The following ANO7 variants were observed in gnomAD, a reference collection of about 807,000 sequenced individuals.
ANO7 encodes the protein anoctamin 7, also known as anoctamin-7.
A neutral mutation model predicts 115.8 loss-of-function variants in ANO7; 114 were observed. That is an observed-to-expected ratio of 0.98 (90% CI 0.85 to 1.15). ANO7 has a LOEUF of 1.15. Among genes scored for constraint, ANO7 ranks in the 50% most tolerant of loss-of-function variants. The pLI is 0.00. For missense variants in ANO7, 1,302 were observed against 1,201.2 expected (o/e 1.08, Z -1.24); for synonymous variants, 550 against 498.2 (o/e 1.10, Z -1.38).
In ANO7 at chr2:241,218,253, C is replaced by T. The variant is rs764223840; in HGVS notation, c.2193C>T (p.Ala731=). 3 of 1,525,966 alleles carry T rather than the reference C, an allele frequency of 2.0e-6. No individual in the cohort carries two copies. Among genetic ancestry groups the T allele is most frequent in the Admixed American group, 1.9e-5 (1 of 52,616 alleles). The allele number at this position is 1,525,966 out of a possible 1,614,324, so 94.5% of individuals were successfully genotyped here. A position where few individuals can be genotyped will look rare whatever the true frequency, so the allele number is the denominator to read the frequency against. The change falls in exon 21 of 25, where the codon GCC becomes GCT. Residue 731 remains alanine, a synonymous_variant. Coordinates refer to ENST00000674324, the MANE Select transcript of ANO7 (RefSeq NM_001370694.2). ...CCGGCGCCCAGGCCTTCCTCCTGGC[C>T]TTCTCGTCCGACTTCCTGCCGCGCG... ...LAVISNAFLL[A]FSSDFLPRAY...
chr2:241,229,546 T>G, downstream of ANO7: 2 of 1,272,984 alleles, frequency 1.6e-6, no homozygotes, highest in Non-Finnish European at 2.3e-6. Flanking sequence ...AGACAAACCA[T>G]TGTGTGGTTG....
At chr2:241,230,531 A>G (rs2069615480), downstream of ANO7, among the ~76,000 whole-genome samples, 1 of 152,218 alleles carries the variant, frequency 6.6e-6, no homozygotes, top group African/African-American at 2.4e-5. This position sits in a 1 kb window ranked among gnomAD's most constrained non-coding sequence, Gnocchi z 5.0. Flanking sequence ...CGAGCTCGCC[A>G]GGCAGCTGTC....
chr2:241,238,665 G>T, the ANO7 span: 1 of 1,579,412 alleles, frequency 6.3e-7, no homozygotes, highest in Non-Finnish European at 8.6e-7. This position sits in a 1 kb window ranked among gnomAD's most constrained non-coding sequence, Gnocchi z 4.9. Flanking sequence ...TCTCCTCTCT[G>T]TCTGGGAATT....
chr2:241,236,559 A>G, the ANO7 span: 1 of 1,579,110 alleles, frequency 6.3e-7, no homozygotes, highest in South Asian at 1.1e-5. Flanking sequence ...GCGTCTCCCC[A>G]GGTGCCTGCT....
At chr2:241,215,953 A>C in intron 18 of ANO7, 140 bp from the exon 19 acceptor site, 1 of 1,061,376 alleles carries the variant, frequency 9.4e-7, no homozygotes, top group African/African-American at 1.6e-5. Context: ...TCCACCCCTC[A>C]GCCCCAGACC....
downstream of ANO7, chr2:241,229,427 C>T: frequency 1.8e-6 from 1 of 570,932 alleles, no homozygotes. Flanking sequence ...CACGGCCAGG[C>T]CTGGAGGAGC....
rs777056962 is a variant in ANO7 at position 241,223,905 on chromosome 2, G to A, written c.2533G>A (p.Val845Ile). The change falls in exon 24 of 25, where the codon GTT becomes ATT. Residue 845 changes from valine (V) to isoleucine (I), a missense_variant and splice_region_variant. By Grantham distance (29) the Val-to-Ile change is conservative (BLOSUM62 3). Transcript: ENST00000674324. ...TCTTGCTGCCCTTTTTTGGGGACAG[G>A]TTCTTTTTGGAACGAACGGAACAAA... ...LAKQALAENE[V>I]LFGTNGTKDE... is the part of the protein sequence containing the mutation. 5 of 1,613,956 alleles carry A rather than the reference G, an allele frequency of 3.1e-6. No homozygotes were observed. The highest frequency in any genetic ancestry group is 4.2e-6 in the Non-Finnish European group (5 of 1,179,996).
intron 20 of ANO7, 37 bp downstream of exon 20, chr2:241,217,928 CGCGCA>C: frequency 3.4e-6 from 1 of 292,928 alleles, no homozygotes; most frequent in Admixed American, 7.6e-5. Context: ...GGGGCGGGGG[CGCGCA>C]GGGGCGGGGG....
At chr2:241,216,908 A>T (rs999971155) in intron 19 of ANO7, among the ~76,000 whole-genome samples, 2 of 152,010 alleles carry the variant, frequency 1.3e-5, no homozygotes, top group African/African-American at 4.8e-5. Context: ...ATCTCGGCTC[A>T]CTCCAACCTC....
chr2:241,233,815 C>T, the ANO7 span: 1 of 1,614,016 alleles, frequency 6.2e-7, no homozygotes, highest in African/African-American at 1.3e-5. This position sits in a 1 kb window ranked among gnomAD's most constrained non-coding sequence, Gnocchi z 4.3. Flanking sequence ...AACCGAGGCT[C>T]TCACCTGGTT....
intron 17 of ANO7, among the ~76,000 whole-genome samples, chr2:241,213,827 G>A (rs1470887585): frequency 6.6e-6 from 1 of 152,242 alleles, no homozygotes; most frequent in Non-Finnish European, 1.5e-5. Flanking sequence ...CAGCCCAACT[G>A]CAAAGTGGCT....
intron 18 of ANO7, 113 bp from the exon 19 acceptor site, chr2:241,215,980 C>A: frequency 1.5e-6 from 2 of 1,344,568 alleles, no homozygotes; most frequent in Non-Finnish European, 2.0e-6. Context: ...CTCCCTGCTG[C>A]CCTTCAATTG....
At chr2:241,227,019 C>G, downstream of ANO7, among the ~76,000 whole-genome samples, 1 of 152,176 alleles carries the variant, frequency 6.6e-6, no homozygotes, top group East Asian at 1.9e-4. Context: ...TGCTGCTCCA[C>G]AAGGACGGTT....
intron 3 of ANO7, among the ~76,000 whole-genome samples, chr2:241,195,433 C>T (rs1049280124): frequency 7.2e-5 from 11 of 152,290 alleles, no homozygotes; most frequent in South Asian, 2.1e-4. Context: ...GGATGAGCAC[C>T]ATAGCAGGAA....
At chr2:241,200,817 G>A (rs2068453261) in intron 6 of ANO7, among the ~76,000 whole-genome samples, 1 of 152,246 alleles carries the variant, frequency 6.6e-6, no homozygotes, top group Non-Finnish European at 1.5e-5. Context: ...GCCTCACTCC[G>A]TGTTGCCCCA....
chr2:241,233,309 G>A, the ANO7 span, among the ~76,000 whole-genome samples: 1 of 152,168 alleles, frequency 6.6e-6, no homozygotes, highest in East Asian at 1.9e-4. This position sits in a 1 kb window ranked among gnomAD's most constrained non-coding sequence, Gnocchi z 4.3. Flanking sequence ...TTTGTTCTGA[G>A]TGAAGCAGGA....
the ANO7 span, chr2:241,236,457 G>A: frequency 2.6e-4 from 186 of 728,262 alleles, 3 homozygotes; most frequent in South Asian, 3.0e-3. Context: ...GTGTCCAGCC[G>A]AGAAGCACAG....
At chr2:241,190,831 TCTGCCC>T (rs1239116708) in intron 2 of ANO7, among the ~76,000 whole-genome samples, 2 of 152,156 alleles carry the variant, frequency 1.3e-5, no homozygotes, top group East Asian at 3.9e-4. Flanking sequence ...CCGGCTCCCC[TCTGCCC>T]CTGGAGGCCA....
At chr2:241,217,521 C>G in intron 19 of ANO7, 165 bp from the exon 20 acceptor site, 1 of 781,568 alleles carries the variant, frequency 1.3e-6, no homozygotes, top group South Asian at 1.8e-5. Flanking sequence ...AGAGGCGGCC[C>G]TGGCGCTGCG....
Sources: allele counts gnomAD v4.1 joint callset (sites outside exome capture counted in the v4.1 genomes callset), GRCh38; gene constraint gnomAD v4.1.1; non-coding constraint Gnocchi (gnomAD v3.1); transcripts MANE v1.5; gene names NCBI Gene and HGNC (gene_info 2026-07-23, HGNC 2026-07-21).